Variants in NUP43 observed in about 807,000 individuals in gnomAD.
The protein encoded by NUP43 is nucleoporin 43, also known as nucleoporin Nup43.
A neutral mutation model predicts 47.3 loss-of-function variants in NUP43; 32 were observed. The ratio of observed to expected loss-of-function variants is 0.68; its 90% CI spans 0.51 to 0.91. The LOEUF (loss-of-function observed/expected upper bound fraction) is 0.91. Among genes scored for constraint, NUP43 ranks in the 40% least tolerant of loss-of-function variants. The probability of loss-of-function intolerance (pLI) is 0.00; values close to 1 mark genes in which losing one functional copy is unlikely to be tolerated. For missense variants in NUP43, 444 were observed against 453.9 expected, an observed-to-expected ratio of 0.98 and a Z score of 0.20; for synonymous variants, 147 against 158.4, an observed-to-expected ratio of 0.93 and a Z score of 0.54.
At chr6:149,748,808 CAAAAAAAAAAA>C (rs1161065299), upstream of NUP43, among the ~76,000 whole-genome samples, 7,205 of 87,420 alleles carry the variant, frequency 0.082, 712 homozygotes, top group African/African-American at 0.29. Flanking sequence ...GACTCCGTCT[CAAAAAAAAAAA>C]AAAAAAAAAA....
intron 5 of NUP43, among the ~76,000 whole-genome samples, chr6:149,738,027 A>C (rs1785457407): frequency 2.0e-5 from 3 of 152,174 alleles, no homozygotes; most frequent in Admixed American, 2.0e-4. Flanking sequence ...AAATGAACTA[A>C]ATTAGATATA....
Position 149,731,650 on chromosome 6 carries a change from G to A in NUP43, c.876C>T (p.Ser292=), listed in dbSNP as rs1424073006. The A allele has an allele frequency of 1.9e-6, 3 of 1,613,590 alleles. No homozygotes were observed. The African/African-American group carries it at 4.0e-5, about 22-fold the overall frequency. Residue 292 remains serine, a synonymous_variant, in exon 7 of 8, where the codon TCC becomes TCT. Coordinates refer to ENST00000340413, the MANE Select transcript of NUP43 (RefSeq NM_198887.3). ...GTGACGACTTTTCAGGTACATCTGT[G>A]GAAGCATCCCAGTGCCAGAGGGATC... ...EDGSLWHWDA[S]TDVPEKSSLF...
chr6:149,746,538 T>G (rs569891891), upstream of NUP43: 16 of 1,613,800 alleles, frequency 9.9e-6, no homozygotes, highest in Admixed American at 3.3e-5. Context: ...GCAAGCACAG[T>G]ACGCGCCTCT....
chr6:149,729,116 G>C (rs572784311), intron 7 of NUP43, among the ~76,000 whole-genome samples: 210 of 152,062 alleles, frequency 1.4e-3, no homozygotes, highest in African/African-American at 5.0e-3. Flanking sequence ...TCAGCCTCCA[G>C]AGTAGCTGGG....
chr6:149,736,069 G>C (rs1434478848), intron 6 of NUP43, among the ~76,000 whole-genome samples: 3 of 151,206 alleles, frequency 2.0e-5, no homozygotes, highest in Non-Finnish European at 4.4e-5. Flanking sequence ...CCTCAGGTCA[G>C]GAGTTCAAGA....
At chr6:149,732,789 G>A (rs1046000106) in intron 6 of NUP43, among the ~76,000 whole-genome samples, 5 of 152,126 alleles carry the variant, frequency 3.3e-5, no homozygotes, top group African/African-American at 1.2e-4. Context: ...AGGTTGCAGT[G>A]AGCTGAGATT....
chr6:149,735,978 A>T (rs1459081954), intron 6 of NUP43, among the ~76,000 whole-genome samples: 2 of 67,168 alleles, frequency 3.0e-5, no homozygotes, highest in Non-Finnish European at 7.1e-5. Context: ...GTCTCTTTAA[A>T]AAAAAAAAAA....
upstream of NUP43, chr6:149,746,698 C>T (rs1562387597): frequency 7.2e-6 from 11 of 1,522,750 alleles, no homozygotes; most frequent in East Asian, 1.5e-4. Flanking sequence ...CAGCTCTGAG[C>T]AAAGGCAAGA....
At chr6:149,732,708 T>C (rs779720187) in intron 6 of NUP43, among the ~76,000 whole-genome samples, 1 of 151,588 alleles carries the variant, frequency 6.6e-6, no homozygotes, top group Non-Finnish European at 1.5e-5. Flanking sequence ...TAGCCCGGCG[T>C]GGTGGCAGGT....
At chr6:149,742,240 G>A (rs908154331) in intron 4 of NUP43, 150 bp downstream of exon 4, 6 of 632,928 alleles carry the variant, frequency 9.5e-6, no homozygotes, top group African/African-American at 9.1e-5. Flanking sequence ...TGGTCAGGCT[G>A]GTCTCGGACT....
chr6:149,729,504 G>A, intron 7 of NUP43: 1 of 984,586 alleles, frequency 1.0e-6, no homozygotes, highest in Non-Finnish European at 1.2e-6. Flanking sequence ...CCTGGTTGAG[G>A]GAGCGCCTTT....
intron 2 of NUP43, among the ~76,000 whole-genome samples, chr6:149,745,459 G>T (rs962318274): frequency 1.3e-5 from 2 of 151,296 alleles, no homozygotes; most frequent in South Asian, 2.1e-4. Flanking sequence ...CTGGTTTTGA[G>T]ACTTTGGCCA....
Position 149,736,483 on chromosome 6 carries a change from G to T in NUP43, c.778C>A (p.His260Asn). Residue 260 changes from histidine (H) to asparagine (N), a missense_variant, in exon 6 of 8, where the codon CAT becomes AAT. Coordinates refer to ENST00000340413, the MANE Select transcript of NUP43 (RefSeq NM_198887.3). ...TCACAATACTTACTTTCAGCTTCATGAGCCTTCAGCAGAGATACAGGCATA... is the reference window on the plus strand; with the variant it reads ...TCACAATACTTACTTTCAGCTTCATTAGCCTTCAGCAGAGATACAGGCATA... Reference protein sequence around the residue: ...GTMPVSLLKAHEAEMWEVHFH... With the variant: ...GTMPVSLLKANEAEMWEVHFH... 6.3e-7 allele frequency: 1 copy of T among 1,578,978 alleles called. No homozygotes were observed. Among genetic ancestry groups the T allele is most frequent in the Non-Finnish European group, 8.7e-7 (1 of 1,152,672 alleles).
At chr6:149,741,221 G>C (rs548488367) in intron 4 of NUP43, among the ~76,000 whole-genome samples, 19 of 152,268 alleles carry the variant, frequency 1.2e-4, no homozygotes, top group African/African-American at 4.3e-4. Flanking sequence ...ACCCAGGCTG[G>C]AGTGCGGTGG....
chr6:149,738,678 T>G lies in NUP43; in HGVS notation c.603A>C (p.Arg201Ser). Residue 201 changes from arginine (R) to serine (S), a missense_variant, in exon 5 of 8, where the codon AGA becomes AGC. Physicochemically the swap from Arg to Ser is moderately radical, Grantham distance 110. Transcript: ENST00000340413. ...TCTGAGAAGGCTCATTTCCTTGTTGTCTGAAATCCCATATTTTCAACTGTC... is the reference window on the plus strand; with the variant it reads ...TCTGAGAAGGCTCATTTCCTTGTTGGCTGAAATCCCATATTTTCAACTGTC... Reference protein sequence around the residue: ...SIGQLKIWDFRQQGNEPSQIL... With the variant: ...SIGQLKIWDFSQQGNEPSQIL... 6.3e-7 allele frequency: 1 copy of G among 1,588,912 alleles called. No homozygotes were observed. Among genetic ancestry groups the G allele is most frequent in the Non-Finnish European group, 8.5e-7 (1 of 1,170,808 alleles).
chr6:149,724,324 A>G lies in NUP43; in HGVS notation c.*2645T>C, dbSNP rs544902109. The stretch of plus-strand genomic sequence containing the variant: ...GACAGATAGAAGCAAATTTCAGTTC[A>G]GTATATGAAAATTCATTTATTTAGT... On this transcript the variant is annotated 3_prime_UTR_variant, in exon 8 of 8. Transcript: ENST00000340413. The G allele has an allele frequency of 1.3e-5, 2 of 150,276 alleles. No individual in the cohort carries two copies. Among genetic ancestry groups the G allele is most frequent in the East Asian group, 4.0e-4 (2 of 4,992 alleles). 9.3% of individuals were successfully genotyped at this position (150,276 alleles called of 1,614,324 possible). A position where few individuals can be genotyped will look rare whatever the true frequency, so the allele number is the denominator to read the frequency against.
In NUP43 at chr6:149,731,612, C is replaced by T. The variant is rs1275114979; in HGVS notation, c.913+1G>A. 1 of 1,606,464 alleles carries T rather than the reference C, an allele frequency of 6.2e-7. No homozygotes were observed. Among genetic ancestry groups the T allele is most frequent in the Non-Finnish European group, 8.5e-7 (1 of 1,176,260 alleles). ...TAACAGTATTCATTAAAAAGTTTTACCTTGGTGAAAGAGTGACGACTTTTC... is the reference window on the plus strand; with the variant it reads ...TAACAGTATTCATTAAAAAGTTTTATCTTGGTGAAAGAGTGACGACTTTTC... On this transcript the variant is annotated splice_donor_variant, in intron 7 of 7. Coordinates refer to ENST00000340413, the MANE Select transcript of NUP43 (RefSeq NM_198887.3). LOFTEE classifies it high-confidence loss of function.
chr6:149,746,551 G>A (rs1205056311), upstream of NUP43: 1 of 1,613,530 alleles, frequency 6.2e-7, no homozygotes, highest in East Asian at 2.2e-5. Context: ...GCGCCTCTCA[G>A]CACCGCCTCT....
intron 6 of NUP43, among the ~76,000 whole-genome samples, chr6:149,734,012 C>T (rs1390894126): frequency 3.3e-5 from 5 of 151,292 alleles, no homozygotes; most frequent in South Asian, 2.1e-4. Flanking sequence ...TTAGTAGCGA[C>T]GGGCTTTCTC....
Sources: gnomAD v4.1 joint callset for allele counts (sites outside exome capture counted in the v4.1 genomes callset) on GRCh38, gnomAD v4.1.1 for gene constraint, MANE v1.5 for transcripts, NCBI Gene and HGNC (gene_info 2026-07-23, HGNC 2026-07-21) for gene names.